Variants in FOXN3 observed in about 807,000 individuals in gnomAD.
The protein encoded by FOXN3 is forkhead box N3, also known as forkhead box protein N3.
A neutral mutation model predicts 38.4 loss-of-function variants in FOXN3; 7 were observed. The observed-to-expected ratio is 0.18, with a 90% confidence interval of 0.10 to 0.34. FOXN3 has a LOEUF of 0.34. Ranked by LOEUF, FOXN3 falls within the 10% of genes least tolerant of loss-of-function variation. The probability of loss-of-function intolerance (pLI) is 1.00; values close to 1 mark genes in which losing one functional copy is unlikely to be tolerated. For missense variants in FOXN3, 456 were observed against 613.4 expected, an observed-to-expected ratio of 0.74 and a Z score of 2.71; for synonymous variants, 230 against 242.2, an observed-to-expected ratio of 0.95 and a Z score of 0.47.
At chr14:89,260,315 C>T (rs1044130631) in intron 4 of FOXN3, among the ~76,000 whole-genome samples, 6 of 152,248 alleles carry the variant, frequency 3.9e-5, no homozygotes, top group African/African-American at 1.4e-4. Flanking sequence ...CGGGGATCTG[C>T]TCTCCCGGGC....
chr14:89,569,583 A>C (rs9323844), intron 1 of FOXN3, among the ~76,000 whole-genome samples: 24,834 of 152,196 alleles, frequency 0.16, 4,513 homozygotes, highest in African/African-American at 0.45. Flanking sequence ...CTCAAAGAAA[A>C]CTTCATGCCA....
At chr14:89,554,555 T>C (rs577524194) in intron 1 of FOXN3, among the ~76,000 whole-genome samples, 6 of 152,326 alleles carry the variant, frequency 3.9e-5, no homozygotes, top group African/African-American at 1.4e-4. Flanking sequence ...AAAATGGTAA[T>C]ATCTGGATAT....
At chr14:89,385,310 G>A (rs1890761940) in intron 2 of FOXN3, among the ~76,000 whole-genome samples, 1 of 151,976 alleles carries the variant, frequency 6.6e-6, no homozygotes, top group South Asian at 2.1e-4. Context: ...GAGGGTCCGG[G>A]AGGTCTAAAA....
intron 1 of FOXN3, among the ~76,000 whole-genome samples, chr14:89,501,945 C>A (rs1893810542): frequency 6.6e-6 from 1 of 152,232 alleles, no homozygotes; most frequent in East Asian, 1.9e-4. Flanking sequence ...GCAGTTGGAT[C>A]ACCTGAGGTC....
intron 4 of FOXN3, among the ~76,000 whole-genome samples, chr14:89,262,622 A>T (rs2139893845): frequency 6.6e-6 from 1 of 152,366 alleles, no homozygotes; most frequent in South Asian, 2.1e-4. Flanking sequence ...CGGGAAAACA[A>T]ATACAAACAT....
At chr14:89,298,474 A>AAAC (rs923287941) in intron 3 of FOXN3, among the ~76,000 whole-genome samples, 1 of 124,072 alleles carries the variant, frequency 8.1e-6, no homozygotes, top group African/African-American at 3.2e-5. Context: ...CGTCTATTTA[A>AAAC]AAAAAAAAAA....
chr14:89,377,792 G>A (rs1035401734), intron 2 of FOXN3, among the ~76,000 whole-genome samples: 11 of 152,316 alleles, frequency 7.2e-5, no homozygotes, highest in Admixed American at 2.6e-4. Flanking sequence ...CCCTGGCCCC[G>A]AGTACCTCAG....
intron 4 of FOXN3, among the ~76,000 whole-genome samples, chr14:89,267,608 T>G (rs1271738986): frequency 6.6e-6 from 1 of 152,186 alleles, no homozygotes; most frequent in Non-Finnish European, 1.5e-5. Context: ...TGAAGAGTAA[T>G]TGAGTAAAGA....
chr14:89,375,986 T>A (rs1890467317), intron 2 of FOXN3, among the ~76,000 whole-genome samples: 1 of 152,160 alleles, frequency 6.6e-6, no homozygotes, highest in Non-Finnish European at 1.5e-5. Flanking sequence ...TTTCACCATG[T>A]TGGCCAGGCT....
chr14:89,256,417 G>A (rs560387983), intron 4 of FOXN3, among the ~76,000 whole-genome samples: 80 of 152,266 alleles, frequency 5.3e-4, no homozygotes, highest in African/African-American at 1.7e-3. Flanking sequence ...GAGGACCTAC[G>A]GTCACGCCAC....
chr14:89,461,213 T>C (rs1327772448), intron 1 of FOXN3, among the ~76,000 whole-genome samples: 2 of 151,772 alleles, frequency 1.3e-5, no homozygotes, highest in African/African-American at 4.8e-5. Flanking sequence ...GGTGCATGCC[T>C]GTAGTCCTAG....
At chr14:89,203,334 CCT>C (rs1207131255) in intron 4 of FOXN3, among the ~76,000 whole-genome samples, 1 of 152,154 alleles carries the variant, frequency 6.6e-6, no homozygotes, top group African/African-American at 2.4e-5. Context: ...CGCAGAATTC[CCT>C]CCCTTTGCTA....
At chr14:89,242,338 C>T (rs1263219903) in intron 4 of FOXN3, among the ~76,000 whole-genome samples, 1 of 151,170 alleles carries the variant, frequency 6.6e-6, no homozygotes, top group Non-Finnish European at 1.5e-5. Flanking sequence ...GCATTTCTTC[C>T]TAAACTTGTT....
At chr14:89,596,854 C>CT (rs35894752) in intron 1 of FOXN3, among the ~76,000 whole-genome samples, 9,763 of 152,028 alleles carry the variant, frequency 0.064, 754 homozygotes, top group African/African-American at 0.17. Context: ...TAGTTATACC[C>CT]TTTTTTCATT....
intron 2 of FOXN3, among the ~76,000 whole-genome samples, chr14:89,406,791 C>T (rs1444337108): frequency 6.6e-6 from 1 of 151,286 alleles, no homozygotes; most frequent in Non-Finnish European, 1.5e-5. Context: ...AAAAAAGGCA[C>T]AGAAATAGAA....
intron 2 of FOXN3, among the ~76,000 whole-genome samples, chr14:89,398,857 T>C (rs1048113769): frequency 1.2e-4 from 19 of 152,134 alleles, no homozygotes; most frequent in African/African-American, 4.3e-4. Flanking sequence ...TGGTGGCACA[T>C]GCCTGTAATC....
chr14:89,246,493 C>A (rs1056932971), intron 4 of FOXN3, among the ~76,000 whole-genome samples: 11 of 151,228 alleles, frequency 7.3e-5, no homozygotes, highest in African/African-American at 2.7e-4. Flanking sequence ...TGAGTGCCCG[C>A]CCCACCCAGC....
chr14:89,579,689 G>A (rs771041751), intron 1 of FOXN3, among the ~76,000 whole-genome samples: 2 of 152,094 alleles, frequency 1.3e-5, no homozygotes, highest in African/African-American at 2.4e-5. Flanking sequence ...CAGGACCTTG[G>A]CATGTACAAG....
At chr14:89,302,666 T>G (rs77732092) in intron 3 of FOXN3, among the ~76,000 whole-genome samples, 9,337 of 152,212 alleles carry the variant, frequency 0.061, 415 homozygotes, top group Non-Finnish European at 0.081. Flanking sequence ...TGCCTTCCTC[T>G]TCAATGCTAC....
Sources: allele counts gnomAD v4.1 joint callset (sites outside exome capture counted in the v4.1 genomes callset), GRCh38; gene constraint gnomAD v4.1.1; transcripts MANE v1.5; gene names NCBI Gene and HGNC (gene_info 2026-07-23, HGNC 2026-07-21).